Variants in HACE1 observed in about 807,000 individuals in gnomAD.
The protein encoded by HACE1 is HECT domain and ankyrin repeat containing E3 ubiquitin protein ligase 1.
HACE1 carries 73 observed loss-of-function variants against 118.4 expected under a neutral mutation model. The observed-to-expected ratio is 0.62, with a 90% CI of 0.51 to 0.75. HACE1 has a LOEUF of 0.75. Among genes scored for constraint, HACE1 ranks in the 30% least tolerant of loss-of-function variants. The probability of loss-of-function intolerance (pLI) is 0.00; values close to 1 mark genes in which losing one functional copy is unlikely to be tolerated. For synonymous variants in HACE1, 368 were observed against 374.8 expected (o/e 0.98, Z 0.21); for missense variants, 749 against 1,102.2 (o/e 0.68, Z 4.54).
intron 17 of HACE1, among the ~76,000 whole-genome samples, chr6:104,774,047 C>T: frequency 6.7e-6 from 1 of 150,306 alleles, no homozygotes; most frequent in East Asian, 1.9e-4. Context: ...TGAGTTCTTA[C>T]CACATTACAA....
intron 19 of HACE1, among the ~76,000 whole-genome samples, chr6:104,765,895 G>A (rs1166896769): frequency 1.3e-5 from 2 of 152,162 alleles, no homozygotes; most frequent in Non-Finnish European, 1.5e-5. Flanking sequence ...AAGTTATATA[G>A]TGTGGTCATT....
At chr6:104,851,810 A>G (rs1021900384) in intron 2 of HACE1, among the ~76,000 whole-genome samples, 5 of 152,224 alleles carry the variant, frequency 3.3e-5, no homozygotes, top group Non-Finnish European at 7.3e-5. Flanking sequence ...TTCAATGGCT[A>G]GCCATGGCAG....
At chr6:104,758,360 A>G (rs1215111021) in intron 19 of HACE1, among the ~76,000 whole-genome samples, 1 of 152,214 alleles carries the variant, frequency 6.6e-6, no homozygotes, top group African/African-American at 2.4e-5. Flanking sequence ...CTCTGCAGAA[A>G]CCCTACAAAC....
rs142028357 is a variant in HACE1 at position 104,796,712 on chromosome 6, C to T, written c.759G>A (p.Pro253=). Residue 253 remains proline (P), a synonymous_variant, in exon 9 of 24, where the codon CCG becomes CCA. Transcript: ENST00000262903. Reference sequence around the variant, plus strand: ...TTTGAATAATAGTCTGAAAAAGCCTCGGGTGATATTGAATTAATACTTCAC... The same window carrying T: ...TTTGAATAATAGTCTGAAAAAGCCTTGGGTGATATTGAATTAATACTTCAC... ...ETCEVLIQYH[P]RLFQTIIQMT... 9 of 1,594,360 alleles carry T rather than the reference C, an allele frequency of 5.6e-6. No individual in the cohort carries two copies. The highest frequency in any genetic ancestry group is 4.4e-5 in the South Asian group (4 of 90,632).
intron 19 of HACE1, among the ~76,000 whole-genome samples, chr6:104,760,020 A>C (rs745974644): frequency 6.6e-6 from 1 of 152,204 alleles, no homozygotes; most frequent in Non-Finnish European, 1.5e-5. Flanking sequence ...ATCTCTGAAT[A>C]TATCAATAAG....
At chr6:104,767,127 A>C (rs750830019) in intron 19 of HACE1, among the ~76,000 whole-genome samples, 1 of 152,230 alleles carries the variant, frequency 6.6e-6, no homozygotes, top group African/African-American at 2.4e-5. Flanking sequence ...TGTTACAGGA[A>C]ATGAGAAACA....
chr6:104,739,553 A>T (rs1776378240), intron 22 of HACE1, among the ~76,000 whole-genome samples: 1 of 152,070 alleles, frequency 6.6e-6, no homozygotes, highest in Non-Finnish European at 1.5e-5. Flanking sequence ...ACCAACAAAG[A>T]TCAAAAGAGA....
chr6:104,797,154 C>T, intron 7 of HACE1, 129 bp from the exon 8 acceptor site: 1 of 646,368 alleles, frequency 1.5e-6, no homozygotes, highest in Admixed American at 2.4e-5. Flanking sequence ...ATATGAAATA[C>T]ATCTTCATAA....
In HACE1 at chr6:104,853,836, C is replaced by T. The variant is rs549588238; in HGVS notation, c.77-1465G>A. On this transcript the variant is annotated intron_variant, in intron 1 of 23. Transcript: ENST00000262903. The stretch of plus-strand genomic sequence containing the variant: ...CCGCAGGGGATACATTCCAAGACCC[C>T]GAGTCAATGCCTAAAACCATGGATA... Among the ~76,000 whole-genome samples the T allele has an allele frequency of 2.8e-4, 43 of 152,132 alleles. 1 individual carries two copies. The highest frequency in any genetic ancestry group is 6.8e-3 in the Middle Eastern group (2 of 292).
intron 19 of HACE1, among the ~76,000 whole-genome samples, chr6:104,765,780 T>G (rs148920043): frequency 1.8e-3 from 271 of 152,344 alleles, no homozygotes; most frequent in Middle Eastern, 3.4e-3. Context: ...AAATACACAA[T>G]TGAGATCTTC....
At chr6:104,824,365 T>A (rs1420692522) in intron 6 of HACE1, among the ~76,000 whole-genome samples, 2 of 152,220 alleles carry the variant, frequency 1.3e-5, no homozygotes, top group Non-Finnish European at 2.9e-5. Flanking sequence ...TTGCCTGGTC[T>A]TAACAACTGG....
At chr6:104,746,956 T>C (rs1279922596) in intron 20 of HACE1, among the ~76,000 whole-genome samples, 1 of 152,178 alleles carries the variant, frequency 6.6e-6, no homozygotes, top group African/African-American at 2.4e-5. Context: ...CTCAAGAAAT[T>C]TGAAGCACTT....
At chr6:104,756,432 T>A (rs1427333976) in intron 19 of HACE1, among the ~76,000 whole-genome samples, 14 of 126,014 alleles carry the variant, frequency 1.1e-4, no homozygotes, top group South Asian at 2.6e-4. Flanking sequence ...AAAAAATATA[T>A]ATATATATAT....
chr6:104,772,198 C>T lies in HACE1; in HGVS notation c.1865-124G>A, dbSNP rs60390973. 6,905 of 607,018 alleles carry T rather than the reference C, an allele frequency of 0.011. 350 individuals are homozygous for T. The African/African-American group carries it at 0.12, about 10-fold the overall frequency. The allele number at this position is 607,018 out of a possible 1,614,324, so 37.6% of individuals were successfully genotyped here. ...AAGCTAAGGTTACATTATGTATAAACTTCCAGAGAAATGTTCTTTGTGGAA... is the reference window on the plus strand; with the variant it reads ...AAGCTAAGGTTACATTATGTATAAATTTCCAGAGAAATGTTCTTTGTGGAA... On this transcript the variant is annotated intron_variant, in intron 17 of 23. Transcript: ENST00000262903.
At chr6:104,820,983 A>G (rs539775777) in intron 6 of HACE1, among the ~76,000 whole-genome samples, 1 of 152,364 alleles carries the variant, frequency 6.6e-6, no homozygotes, top group Admixed American at 6.5e-5. Context: ...TGAGGTACAT[A>G]TACACCACGG....
At chr6:104,821,205 G>A (rs1190324200) in intron 6 of HACE1, among the ~76,000 whole-genome samples, 2 of 152,150 alleles carry the variant, frequency 1.3e-5, no homozygotes, top group Non-Finnish European at 2.9e-5. Context: ...AGGATGGGAG[G>A]AGGGAAAGGA....
chr6:104,776,249 G>A lies in HACE1; in HGVS notation c.1864+492C>T, dbSNP rs139390243. ...TTGAAATTTTATATCATGATTTCTA[G>A]ACTTGGGTTTTCCTAACCAATATAT... On this transcript the variant is annotated intron_variant, in intron 17 of 23. Coordinates refer to ENST00000262903, the MANE Select transcript of HACE1 (RefSeq NM_020771.4). Among the ~76,000 whole-genome samples, 24 of 152,276 alleles carry A rather than the reference G, an allele frequency of 1.6e-4. No homozygotes were observed. The East Asian group carries it at 4.6e-3, about 29-fold the overall frequency.
chr6:104,774,445 C>T (rs1781007309), intron 17 of HACE1, among the ~76,000 whole-genome samples: 1 of 150,406 alleles, frequency 6.6e-6, no homozygotes, highest in East Asian at 2.0e-4. Flanking sequence ...AGTGCAGTGG[C>T]ACAACCTCAG....
At chr6:104,771,101 T>C in intron 19 of HACE1, 92 bp downstream of exon 19, 1 of 895,298 alleles carries the variant, frequency 1.1e-6, no homozygotes, top group Non-Finnish European at 1.9e-6. Context: ...TAGTAAAAGT[T>C]TTTCTACAAG....
Sources: allele counts gnomAD v4.1 joint callset (sites outside exome capture counted in the v4.1 genomes callset), GRCh38; gene constraint gnomAD v4.1.1; transcripts MANE v1.5; gene names NCBI Gene and HGNC (gene_info 2026-07-23, HGNC 2026-07-21).